The following VAT1L variants were observed in gnomAD, a reference collection of about 807,000 sequenced individuals.
VAT1L encodes putative NADPH-dependent quinone oxidoreductase VAT1L.
A neutral mutation model predicts 44.1 loss-of-function variants in VAT1L; 34 were observed. That is an observed-to-expected ratio of 0.77 (90% CI 0.59 to 1.03). The LOEUF (loss-of-function observed/expected upper bound fraction) is 1.03, where lower values mean the gene tolerates loss of function less well. Ranked by LOEUF, VAT1L falls within the 50% of genes least tolerant of loss-of-function variation. The probability of loss-of-function intolerance (pLI) is 0.00; values close to 1 mark genes in which losing one functional copy is unlikely to be tolerated. For synonymous variants in VAT1L, 253 were observed against 202.2 expected (o/e 1.25, Z -2.13); for missense variants, 615 against 538.8 (o/e 1.14, Z -1.40).
At chr16:77,944,026 G>A (rs1401445908) in intron 7 of VAT1L, among the ~76,000 whole-genome samples, 1 of 152,112 alleles carries the variant, frequency 6.6e-6, no homozygotes, top group Admixed American at 6.5e-5. Flanking sequence ...TACATCAAAG[G>A]CTGTGCTTCT....
intron 1 of VAT1L, among the ~76,000 whole-genome samples, chr16:77,790,917 T>C (rs2015823275): frequency 6.6e-6 from 1 of 152,176 alleles, no homozygotes; most frequent in Admixed American, 6.5e-5. Flanking sequence ...AAGCCAGATG[T>C]GAAAGCCTGT....
chr16:77,952,961 CG>C (rs1398938296), intron 7 of VAT1L, among the ~76,000 whole-genome samples: 1 of 149,366 alleles, frequency 6.7e-6, no homozygotes, highest in Non-Finnish European at 1.5e-5. Context: ...TATTTGGAAA[CG>C]GGGTTGTTGC....
At position 77,833,892 on chromosome 16, in the gene VAT1L, C is replaced by T. The variant is rs181733152; in HGVS notation, c.579+8431C>T. On this transcript the variant is annotated intron_variant, in intron 3 of 8. Coordinates refer to ENST00000302536, the MANE Select transcript of VAT1L (RefSeq NM_020927.3). ...GGGTAGGCCTTCATACAAAGAATTC[C>T]GGACAGGAGGGCGTTTCTTACATCA... Among the ~76,000 whole-genome samples the T allele has an allele frequency of 1.5e-3, 230 of 152,218 alleles. 5 individuals are homozygous for T. Among genetic ancestry groups the T allele is most frequent in the East Asian group, 1.7e-3 (9 of 5,174 alleles).
intron 7 of VAT1L, among the ~76,000 whole-genome samples, chr16:77,957,471 A>G (rs1399256644): frequency 6.6e-5 from 10 of 152,212 alleles, no homozygotes; most frequent in Admixed American, 6.5e-4. Flanking sequence ...TCACGCCTAT[A>G]ATCCCAGCAC....
chr16:77,918,679 C>T (rs192262984), intron 7 of VAT1L, among the ~76,000 whole-genome samples: 7 of 152,250 alleles, frequency 4.6e-5, no homozygotes, highest in South Asian at 4.1e-4. Context: ...AGCTTCATCC[C>T]GGAAACTGTA....
chr16:77,800,678 G>GA (rs1440742011), intron 1 of VAT1L: 1 of 152,126 alleles, frequency 6.6e-6, no homozygotes, highest in African/African-American at 2.4e-5. Context: ...GTTCCAGATA[G>GA]AAAATCAGGC....
chr16:77,859,201 G>A (rs2016891371), intron 3 of VAT1L, among the ~76,000 whole-genome samples: 1 of 152,056 alleles, frequency 6.6e-6, no homozygotes, highest in African/African-American at 2.4e-5. Context: ...TGGGGAGGCT[G>A]ACGCAGGAGG....
chr16:77,902,087 T>C (rs1226916101), intron 7 of VAT1L, among the ~76,000 whole-genome samples: 2 of 152,228 alleles, frequency 1.3e-5, no homozygotes, highest in African/African-American at 4.8e-5. Context: ...TGCTGCATTT[T>C]AAAAATCTAA....
chr16:77,846,460 C>G (rs1021344792), intron 3 of VAT1L, among the ~76,000 whole-genome samples: 1 of 152,140 alleles, frequency 6.6e-6, no homozygotes, highest in African/African-American at 2.4e-5. Context: ...AGGATGCCAC[C>G]TTCACTACTG....
chr16:77,880,130 A>G (rs1260366054), intron 6 of VAT1L, among the ~76,000 whole-genome samples: 2 of 152,062 alleles, frequency 1.3e-5, no homozygotes, highest in African/African-American at 4.8e-5. Flanking sequence ...TCCTATCTGG[A>G]GCTATACTTG....
At chr16:77,887,557 A>T (rs549367751) in intron 7 of VAT1L, among the ~76,000 whole-genome samples, 5 of 152,032 alleles carry the variant, frequency 3.3e-5, no homozygotes, top group Non-Finnish European at 5.9e-5. Context: ...AGGCAGCAAG[A>T]CTCATCTCCA....
intron 7 of VAT1L, among the ~76,000 whole-genome samples, chr16:77,958,263 T>G (rs965572225): frequency 3.3e-5 from 5 of 152,092 alleles, no homozygotes; most frequent in Non-Finnish European, 7.4e-5. Context: ...TCTACTCAAG[T>G]TACTTCCTCT....
rs74976933 is a variant in VAT1L at position 77,853,410 on chromosome 16, C to T, written c.580-9338C>T. Among the ~76,000 whole-genome samples, 1,050 of 152,220 alleles carry T rather than the reference C, an allele frequency of 6.9e-3. 8 individuals carry two copies. The highest frequency in any genetic ancestry group is 0.024 in the African/African-American group (1,005 of 41,526). On this transcript the variant is annotated intron_variant, in intron 3 of 8. Coordinates refer to ENST00000302536, the MANE Select transcript of VAT1L (RefSeq NM_020927.3). ...TTTATAGAGCAGTGGATCTCAGCGC[C>T]GTCAGCACATTAGAATTCTCCAGGG...
chr16:77,894,810 GGCT>G (rs2017304947), intron 7 of VAT1L, among the ~76,000 whole-genome samples: 1 of 152,016 alleles, frequency 6.6e-6, no homozygotes, highest in South Asian at 2.1e-4. Flanking sequence ...GAGATTGAAG[GGCT>G]GTTTAATGCT....
chr16:77,797,682 A>G (rs1343956946), intron 1 of VAT1L, among the ~76,000 whole-genome samples: 1 of 152,194 alleles, frequency 6.6e-6, no homozygotes, highest in Non-Finnish European at 1.5e-5. Context: ...CTGACACTCA[A>G]CACTGACAGC....
chr16:77,872,415 G>C (rs567107351), intron 4 of VAT1L, among the ~76,000 whole-genome samples: 1 of 152,050 alleles, frequency 6.6e-6, no homozygotes, highest in Non-Finnish European at 1.5e-5. Context: ...TTGTCACCTG[G>C]CCAATTTCTG....
intron 1 of VAT1L, among the ~76,000 whole-genome samples, chr16:77,795,813 CTTTTTTTTTT>C (rs56725954): frequency 4.0e-5 from 4 of 100,582 alleles, no homozygotes; most frequent in East Asian, 3.7e-4. Context: ...CCTTTTTTCT[CTTTTTTTTTT>C]TTTTTTTTTT....
At chr16:77,829,690 T>C (rs1255258234) in intron 3 of VAT1L, among the ~76,000 whole-genome samples, 5 of 152,192 alleles carry the variant, frequency 3.3e-5, no homozygotes, top group Non-Finnish European at 7.3e-5. Context: ...ATGAGACTCA[T>C]GTTGGGCCTC....
At chr16:77,922,195 G>T (rs1310098189) in intron 7 of VAT1L, among the ~76,000 whole-genome samples, 2 of 152,120 alleles carry the variant, frequency 1.3e-5, no homozygotes, top group Non-Finnish European at 2.9e-5. Flanking sequence ...GGGGTGGAGG[G>T]GCAGTGTCTG....
Sources: allele counts gnomAD v4.1 joint callset (sites outside exome capture counted in the v4.1 genomes callset), GRCh38; gene constraint gnomAD v4.1.1; transcripts MANE v1.5; gene names NCBI Gene and HGNC (gene_info 2026-07-23, HGNC 2026-07-21).